The following ATP2B1 variants were observed in gnomAD, a reference collection of about 807,000 sequenced individuals.
ATP2B1 encodes plasma membrane calcium-transporting ATPase 1.
In ATP2B1, 14 loss-of-function variants were observed where a neutral mutation model predicts 124.2. The observed-to-expected ratio is 0.11, with a 90% CI of 0.07 to 0.18. The LOEUF is 0.18. Ranked by LOEUF, ATP2B1 falls within the 10% of genes least tolerant of loss-of-function variation. The pLI is 1.00. For missense variants in ATP2B1, 763 were observed against 1,466.1 expected, an observed-to-expected ratio of 0.52 and a Z score of 7.83; for synonymous variants, 449 against 492.4, an observed-to-expected ratio of 0.91 and a Z score of 1.17.
chr12:89,610,712 GTTT>G lies in ATP2B1; in HGVS notation c.2248-207_2248-205del, dbSNP rs1382742303. On this transcript the variant is annotated intron_variant, in intron 13 of 20. Transcript: ENST00000428670. ...CTGTGGGGCAGGCCCAGCAATCTGT[GTTT>G]TAATAATCTTGCTAGGTGACTTTGA... 5 of 510,056 alleles carry G rather than the reference GTTT, an allele frequency of 9.8e-6. No individual in the cohort carries two copies. In the East Asian group the frequency reaches 1.6e-4, roughly 16 times the overall value. The allele number at this position is 510,056 out of a possible 1,614,324, so 31.6% of individuals were successfully genotyped here. A position where few individuals can be genotyped will look rare whatever the true frequency, so the allele number is the denominator to read the frequency against.
intron 1 of ATP2B1, among the ~76,000 whole-genome samples, chr12:89,684,914 C>G (rs1299541263): frequency 6.6e-6 from 1 of 152,148 alleles, no homozygotes; most frequent in Admixed American, 6.6e-5. Flanking sequence ...AAATTCATTT[C>G]AATTTCTAAA....
At chr12:89,631,725 G>A (rs1015687870) in intron 5 of ATP2B1, among the ~76,000 whole-genome samples, 1 of 152,090 alleles carries the variant, frequency 6.6e-6, no homozygotes, top group Admixed American at 6.5e-5. Flanking sequence ...ATGGGAACAT[G>A]GATTAAATTC....
At chr12:89,629,881 G>A (rs576529244) in intron 6 of ATP2B1, among the ~76,000 whole-genome samples, 7 of 151,820 alleles carry the variant, frequency 4.6e-5, no homozygotes, top group Non-Finnish European at 7.4e-5. Context: ...CTAACTAGGA[G>A]ATTCTGAGAT....
At chr12:89,606,572 C>CTT (rs11390166) in intron 15 of ATP2B1, among the ~76,000 whole-genome samples, 4,577 of 129,016 alleles carry the variant, frequency 0.035, 307 homozygotes, top group African/African-American at 0.11. Context: ...TAATGTCCCA[C>CTT]TTTTTTTTTT....
At chr12:89,692,267 AT>A (rs1372988337) in intron 1 of ATP2B1, among the ~76,000 whole-genome samples, 1 of 152,156 alleles carries the variant, frequency 6.6e-6, no homozygotes, top group Non-Finnish European at 1.5e-5. Flanking sequence ...TAAGACTCAA[AT>A]TTTTCTATAT....
At chr12:89,685,825 A>C (rs1302073300) in intron 1 of ATP2B1, among the ~76,000 whole-genome samples, 1 of 151,958 alleles carries the variant, frequency 6.6e-6, no homozygotes, top group Non-Finnish European at 1.5e-5. Flanking sequence ...TATGGGTGGG[A>C]CCCTAATCCA....
chr12:89,689,027 A>G (rs1426138777), intron 1 of ATP2B1, among the ~76,000 whole-genome samples: 1 of 152,088 alleles, frequency 6.6e-6, no homozygotes, highest in Non-Finnish European at 1.5e-5. Context: ...TCAGAACCTT[A>G]GTTCACCACA....
intron 3 of ATP2B1, among the ~76,000 whole-genome samples, chr12:89,636,420 C>T (rs541433894): frequency 1.3e-5 from 2 of 152,210 alleles, no homozygotes; most frequent in African/African-American, 4.8e-5. Context: ...GTATTATTTC[C>T]TGAAACGCTG....
At chr12:89,657,857 A>T (rs1886142350) in intron 1 of ATP2B1, among the ~76,000 whole-genome samples, 1 of 152,162 alleles carries the variant, frequency 6.6e-6, no homozygotes, top group African/African-American at 2.4e-5. Context: ...GGGTGAGAAA[A>T]GTTTGCTTGC....
chr12:89,606,865 C>T (rs1877010099), intron 15 of ATP2B1, among the ~76,000 whole-genome samples: 1 of 152,102 alleles, frequency 6.6e-6, no homozygotes, highest in Non-Finnish European at 1.5e-5. Flanking sequence ...TGTGAGCCAC[C>T]ATGCCTGGCC....
At chr12:89,611,112 A>G in intron 13 of ATP2B1, 81 bp downstream of exon 13, 1 of 1,332,048 alleles carries the variant, frequency 7.5e-7, no homozygotes, top group East Asian at 2.4e-5. Flanking sequence ...CACAGTGCAT[A>G]TTCAATATGT....
In ATP2B1 at chr12:89,591,306, C is replaced by A; in HGVS notation, c.3352-11G>T. 1 of 1,590,812 alleles carries A rather than the reference C, an allele frequency of 6.3e-7. No homozygotes were observed. Among genetic ancestry groups the A allele is most frequent in the South Asian group, 1.1e-5 (1 of 89,136 alleles). ...ATTCACCACTCGAATCTGTAAATAT[C>A]AGAAAATACAGAAATATGTCAGTAC... On this transcript the variant is annotated splice_polypyrimidine_tract_variant and intron_variant, in intron 20 of 20. Coordinates refer to ENST00000428670, the MANE Select transcript of ATP2B1 (RefSeq NM_001366521.1).
rs576116086 is a variant in ATP2B1, at chr12:89,647,185, T to C, written c.209-4830A>G. On this transcript the variant is annotated intron_variant, in intron 2 of 20. Transcript: ENST00000428670. ...TCTTCTGCCTAATTGGCTCAGTTAA[T>C]TGTAGTGTAGTGGCAATGAGGCCAA... 1.5e-3 allele frequency among the ~76,000 whole-genome samples: 227 copies of C among 152,342 alleles called. 1 individual carries two copies. Among genetic ancestry groups the C allele is most frequent in the Non-Finnish European group, 2.3e-3 (159 of 68,042 alleles).
intron 2 of ATP2B1, among the ~76,000 whole-genome samples, chr12:89,648,125 G>C (rs1294361261): frequency 6.6e-6 from 1 of 152,128 alleles, no homozygotes; most frequent in Non-Finnish European, 1.5e-5. Context: ...CTGAGGTGTG[G>C]GGCACTGCTA....
chr12:89,651,170 T>C (rs1885197173), intron 2 of ATP2B1, among the ~76,000 whole-genome samples: 1 of 152,242 alleles, frequency 6.6e-6, no homozygotes. Flanking sequence ...ACACTTCCTA[T>C]TGACCAGTAT....
At chr12:89,616,743 G>T (rs902618755) in intron 12 of ATP2B1, 59 bp downstream of exon 12, 16 of 1,498,840 alleles carry the variant, frequency 1.1e-5, no homozygotes, top group Non-Finnish European at 1.2e-5. Flanking sequence ...TACAATTAAG[G>T]CCTAGGTCCT....
chr12:89,643,591 A>G (rs1419256468), intron 2 of ATP2B1, among the ~76,000 whole-genome samples: 1 of 152,224 alleles, frequency 6.6e-6, no homozygotes, highest in Admixed American at 6.5e-5. Context: ...TTAGAAAGAT[A>G]TGAGGAGGTT....
intron 20 of ATP2B1, chr12:89,593,925 C>G (rs1234299435): frequency 6.6e-6 from 1 of 151,898 alleles, no homozygotes; most frequent in Non-Finnish European, 1.5e-5. Context: ...TCTGGGCTCC[C>G]AATTCCAGGT....
chr12:89,683,244 T>C (rs943092516), intron 1 of ATP2B1, among the ~76,000 whole-genome samples: 16 of 152,208 alleles, frequency 1.1e-4, no homozygotes, highest in African/African-American at 3.6e-4. Flanking sequence ...TTTTAAAACT[T>C]AGTCACAATT....
Sources: allele counts gnomAD v4.1 joint callset (sites outside exome capture counted in the v4.1 genomes callset), GRCh38; gene constraint gnomAD v4.1.1; transcripts MANE v1.5; gene names NCBI Gene and HGNC (gene_info 2026-07-23, HGNC 2026-07-21).